Variants in SLC22A15 observed in about 807,000 individuals in gnomAD.
SLC22A15 encodes flipt 1.
Under a neutral mutation model 62.7 loss-of-function variants are expected in SLC22A15, and 45 were observed. The ratio of observed to expected loss-of-function variants is 0.72; its 90% CI spans 0.56 to 0.92. SLC22A15 has a LOEUF of 0.92. SLC22A15 is among the 40% of genes least tolerant of loss of function. The pLI, the probability that SLC22A15 is intolerant of heterozygous loss-of-function variation, is 0.00. For synonymous variants in SLC22A15, 264 were observed against 267.0 expected, an observed-to-expected ratio of 0.99 and a Z score of 0.11; for missense variants, 622 against 665.6, an observed-to-expected ratio of 0.93 and a Z score of 0.72.
chr1:116,017,851 G>T, intron 2 of SLC22A15: 1 of 154,418 alleles, frequency 6.5e-6, no homozygotes. Flanking sequence ...TCTGTGACAT[G>T]GGTTCACTTT....
chr1:115,993,696 G>A (rs1655270756), intron 2 of SLC22A15, among the ~76,000 whole-genome samples: 1 of 151,996 alleles, frequency 6.6e-6, no homozygotes, highest in African/African-American at 2.4e-5. Context: ...TGCAATTCCT[G>A]ACGTTACTCT....
intron 1 of SLC22A15, among the ~76,000 whole-genome samples, chr1:115,991,751 T>A (rs1346247482): frequency 6.6e-6 from 1 of 152,220 alleles, no homozygotes; most frequent in Non-Finnish European, 1.5e-5. Flanking sequence ...TATAAGCATA[T>A]AAGCAGTGTC....
In SLC22A15 at chr1:116,037,492, T is replaced by C. The variant is rs1210788872; in HGVS notation, c.1171+104T>C. ...ATATGGCATGCTTCATTTCTGTGAT[T>C]GCATATTGTTTAGCAATTGTGTGGG... On this transcript the variant is annotated intron_variant, in intron 8 of 11. Coordinates refer to ENST00000369503, the MANE Select transcript of SLC22A15 (RefSeq NM_018420.3). 7 of 860,788 alleles carry C rather than the reference T, an allele frequency of 8.1e-6. No homozygotes were observed. The Admixed American group carries it at 9.6e-5, about 12-fold the overall frequency. The allele number at this position is 860,788 out of a possible 1,614,324, so 53.3% of individuals were successfully genotyped here.
intron 8 of SLC22A15, among the ~76,000 whole-genome samples, chr1:116,049,985 A>T (rs1658009678): frequency 6.6e-6 from 1 of 152,202 alleles, no homozygotes; most frequent in Non-Finnish European, 1.5e-5. Flanking sequence ...CACATAAACT[A>T]GAAAACCTAG....
At position 116,001,034 on chromosome 1, in the gene SLC22A15, C is replaced by A. The variant is rs532364267; in HGVS notation, c.300+8791C>A. ...GGACAGGTCTGGTGTTGACAAAATC[C>A]CTCAGCTTTTGTCTGAGAATGTCTT... On this transcript the variant is annotated intron_variant, in intron 2 of 11. Transcript: ENST00000369503. Among the ~76,000 whole-genome samples the A allele has an allele frequency of 3.4e-4, 51 of 152,052 alleles. 1 individual carries two copies. The highest frequency in any genetic ancestry group is 2.7e-3 in the Admixed American group (42 of 15,274).
chr1:116,000,651 G>A (rs1180434756), intron 2 of SLC22A15, among the ~76,000 whole-genome samples: 2 of 86,326 alleles, frequency 2.3e-5, no homozygotes, highest in African/African-American at 8.9e-5. Context: ...TTTTTTTTGA[G>A]ATGGAGTCTC....
intron 4 of SLC22A15, 47 bp downstream of exon 4, chr1:116,020,932 A>C: frequency 6.6e-7 from 1 of 1,518,306 alleles, no homozygotes; most frequent in Non-Finnish European, 8.9e-7. Context: ...CAGCTCCAGA[A>C]AATTTTATAG....
chr1:116,036,642 T>C (rs1278692550), intron 7 of SLC22A15, among the ~76,000 whole-genome samples: 1 of 152,154 alleles, frequency 6.6e-6, no homozygotes, highest in African/African-American at 2.4e-5. Flanking sequence ...TCAAAATTAT[T>C]GAGGTTCCTA....
intron 9 of SLC22A15, 151 bp from the exon 10 acceptor site, chr1:116,064,285 A>C: frequency 1.7e-6 from 1 of 605,870 alleles, no homozygotes; most frequent in Non-Finnish European, 3.0e-6. Flanking sequence ...GCATCTCAGG[A>C]ACATCTAGTA....
chr1:116,029,199 A>T (rs1657271695), intron 5 of SLC22A15, among the ~76,000 whole-genome samples: 1 of 152,236 alleles, frequency 6.6e-6, no homozygotes, highest in Non-Finnish European at 1.5e-5. Context: ...AAGCCACATT[A>T]TATACCTTAT....
At chr1:116,053,435 A>AC (rs1658116201) in intron 8 of SLC22A15, among the ~76,000 whole-genome samples, 1 of 152,246 alleles carries the variant, frequency 6.6e-6, no homozygotes, top group Non-Finnish European at 1.5e-5. Context: ...CGATTGGTGT[A>AC]CCTGAAAGTG....
At chr1:116,052,949 G>T (rs1264504189) in intron 8 of SLC22A15, among the ~76,000 whole-genome samples, 1 of 152,072 alleles carries the variant, frequency 6.6e-6, no homozygotes, top group African/African-American at 2.4e-5. Flanking sequence ...AAACCACAAA[G>T]ATGGGGAAAA....
At chr1:116,042,490 G>T (rs560857546) in intron 8 of SLC22A15, among the ~76,000 whole-genome samples, 1 of 152,074 alleles carries the variant, frequency 6.6e-6, no homozygotes, top group East Asian at 1.9e-4. Flanking sequence ...AAACATCAGT[G>T]AATTGTGGGA....
chr1:115,988,042 A>G (rs990169813), intron 1 of SLC22A15, among the ~76,000 whole-genome samples: 2 of 152,214 alleles, frequency 1.3e-5, no homozygotes, highest in African/African-American at 4.8e-5. Context: ...TGAAACTTTA[A>G]AAATTTCAAT....
At chr1:116,010,673 G>T (rs1656204348) in intron 2 of SLC22A15, among the ~76,000 whole-genome samples, 1 of 152,172 alleles carries the variant, frequency 6.6e-6, no homozygotes, top group Non-Finnish European at 1.5e-5. Flanking sequence ...CCAGGGGAGG[G>T]CTGAAGTTTG....
At chr1:115,976,845 G>C in intron 1 of SLC22A15, 131 bp downstream of exon 1, 2 of 678,398 alleles carry the variant, frequency 2.9e-6, no homozygotes, top group South Asian at 3.8e-5. Context: ...TGTGGCGAGC[G>C]TCGGGGTGGG....
In SLC22A15 at chr1:116,037,369, G is replaced by A. The variant is rs774605185; in HGVS notation, c.1152G>A (p.Met384Ile). Reference sequence around the variant, plus strand: ...GAGGACTGGCTTGTCTTATTGTAATGTTTCTTCCAGAAAAGAAAGGTATGC... The same window carrying A: ...GAGGACTGGCTTGTCTTATTGTAATATTTCTTCCAGAAAAGAAAGGTATGC... Reference protein sequence around the residue: ...CLGGLACLIVMFLPEKKDTGV... With the variant: ...CLGGLACLIVIFLPEKKDTGV... Residue 384 changes from methionine to isoleucine, a missense_variant, in exon 8 of 12, where the codon ATG becomes ATA. Transcript: ENST00000369503. 1 of 1,613,018 alleles carries A rather than the reference G, an allele frequency of 6.2e-7. No individual in the cohort carries two copies.
intron 2 of SLC22A15, among the ~76,000 whole-genome samples, chr1:116,002,650 A>C (rs1655800744): frequency 6.6e-6 from 1 of 151,828 alleles, no homozygotes; most frequent in Non-Finnish European, 1.5e-5. Context: ...TGTGGTAACT[A>C]TTGCCTGGCT....
At chr1:116,056,116 G>A (rs1658200501) in intron 8 of SLC22A15, among the ~76,000 whole-genome samples, 1 of 151,050 alleles carries the variant, frequency 6.6e-6, no homozygotes, top group African/African-American at 2.4e-5. Flanking sequence ...AAGTCAAATT[G>A]TCCCTGTTTG....
Sources: allele counts gnomAD v4.1 joint callset (sites outside exome capture counted in the v4.1 genomes callset), GRCh38; gene constraint gnomAD v4.1.1; transcripts MANE v1.5; gene names NCBI Gene and HGNC (gene_info 2026-07-23, HGNC 2026-07-21).